The following MYLK variants were observed in gnomAD, a reference collection of about 807,000 sequenced individuals.
MYLK encodes myosin light chain kinase.
A neutral mutation model predicts 203.4 loss-of-function variants in MYLK; 106 were observed. That is an observed-to-expected ratio of 0.52 (90% CI 0.45 to 0.61). The LOEUF is 0.61. Among genes scored for constraint, MYLK ranks in the 20% least tolerant of loss-of-function variants. The pLI is 0.00. For synonymous variants in MYLK, 867 were observed against 959.5 expected (o/e 0.90, Z 1.78); for missense variants, 2,072 against 2,442.3 (o/e 0.85, Z 3.20).
At chr3:123,639,454 C>G (rs1177552968) in intron 28 of MYLK, among the ~76,000 whole-genome samples, 1 of 152,218 alleles carries the variant, frequency 6.6e-6, no homozygotes, top group African/African-American at 2.4e-5. Context: ...TGAAATAAAG[C>G]CAGCTCACCC....
At chr3:123,680,264 AT>A (rs1397943830) in intron 20 of MYLK, among the ~76,000 whole-genome samples, 2 of 152,010 alleles carry the variant, frequency 1.3e-5, no homozygotes, top group African/African-American at 4.8e-5. Flanking sequence ...CTCTGACCCC[AT>A]CTCACCTCCT....
chr3:123,700,180 T>C lies in MYLK; in HGVS notation c.3288A>G (p.Thr1096=). The C allele has an allele frequency of 1.9e-6, 3 of 1,614,018 alleles. No homozygotes were observed. Among genetic ancestry groups the C allele is most frequent in the Non-Finnish European group, 2.5e-6 (3 of 1,180,004 alleles). ...DNEKRSESQG[T]APAFKQKLQD... is the part of the protein sequence containing the mutation. ...GCAGCTTCTGCTTGAAGGCTGGGGC[T>C]GTCCCCTGGCTCTCTGATCTCTTTT... The change falls in exon 18 of 34, where the codon ACA becomes ACG. Residue 1096 remains threonine (T), a synonymous_variant. Transcript: ENST00000360304.
chr3:123,695,299 C>T (rs2060872247), intron 18 of MYLK, among the ~76,000 whole-genome samples: 2 of 152,256 alleles, frequency 1.3e-5, no homozygotes, highest in Admixed American at 1.3e-4. Flanking sequence ...ACTCTGAGCT[C>T]ACCCATGTCA....
chr3:123,876,294 C>T (rs1023137631), intron 2 of MYLK, among the ~76,000 whole-genome samples: 53 of 152,018 alleles, frequency 3.5e-4, no homozygotes, highest in African/African-American at 1.2e-3. Flanking sequence ...CAGCATTTCA[C>T]CTTGAAATCA....
chr3:123,647,850 C>A (rs768424992), intron 26 of MYLK, among the ~76,000 whole-genome samples: 2 of 152,122 alleles, frequency 1.3e-5, no homozygotes, highest in Non-Finnish European at 2.9e-5. Flanking sequence ...CCACACCTGG[C>A]CTTTGAAGCA....
intron 10 of MYLK, 58 bp downstream of exon 10, chr3:123,733,629 G>T: frequency 2.5e-6 from 4 of 1,597,526 alleles, no homozygotes; most frequent in Non-Finnish European, 3.4e-6. Flanking sequence ...TGAAGGAAGG[G>T]AGTGGCCACC....
At chr3:123,877,087 G>A (rs1283289463) in intron 1 of MYLK, among the ~76,000 whole-genome samples, 1 of 152,184 alleles carries the variant, frequency 6.6e-6, no homozygotes, top group African/African-American at 2.4e-5. Flanking sequence ...TTTAAGGATA[G>A]AAGAACCTGT....
intron 11 of MYLK, among the ~76,000 whole-genome samples, chr3:123,729,040 AG>A (rs1245987670): frequency 2.6e-5 from 4 of 152,180 alleles, no homozygotes; most frequent in Non-Finnish European, 5.9e-5. Flanking sequence ...GACTTTGAAA[AG>A]CTCTGACAGA....
chr3:123,836,354 C>T (rs1212740637), intron 2 of MYLK, among the ~76,000 whole-genome samples: 1 of 152,232 alleles, frequency 6.6e-6, no homozygotes, highest in Non-Finnish European at 1.5e-5. Flanking sequence ...CATGTAATCA[C>T]ATCTTCTAGA....
chr3:123,695,019 C>T (rs2060855181), intron 18 of MYLK, among the ~76,000 whole-genome samples: 1 of 152,352 alleles, frequency 6.6e-6, no homozygotes, highest in African/African-American at 2.4e-5. Flanking sequence ...TGGGAGAGCC[C>T]CTCAGGGCTG....
chr3:123,621,455 C>CGAG (rs1410752497), intron 31 of MYLK: 1 of 152,234 alleles, frequency 6.6e-6, no homozygotes, highest in East Asian at 1.9e-4. Flanking sequence ...ATCTCAAACT[C>CGAG]TGCCGGCAAA....
chr3:123,638,880 G>T (rs2058737070), intron 28 of MYLK: 2 of 985,330 alleles, frequency 2.0e-6, no homozygotes, highest in South Asian at 9.4e-5. Flanking sequence ...ATGTGCAAAA[G>T]GCAGGTACCT....
intron 23 of MYLK, among the ~76,000 whole-genome samples, chr3:123,659,432 C>A (rs780480532): frequency 6.6e-6 from 1 of 152,172 alleles, no homozygotes; most frequent in South Asian, 2.1e-4. Flanking sequence ...ATATGTGATA[C>A]GTAAGACTTG....
chr3:123,770,718 G>C (rs578053738), intron 4 of MYLK, among the ~76,000 whole-genome samples: 1 of 152,296 alleles, frequency 6.6e-6, no homozygotes, highest in African/African-American at 2.4e-5. Context: ...TTAGCCTGGA[G>C]TAAAACACAC....
rs1192992419 is a variant in MYLK at position 123,640,338 on chromosome 3, T to G, written c.4786A>C (p.Lys1596Gln). 3.1e-6 allele frequency: 5 copies of G among 1,613,980 alleles called. No individual in the cohort carries two copies. In the East Asian group the frequency reaches 1.1e-4, roughly 36 times the overall value. Reference protein sequence around the residue: ...LKPENIMCVNKTGTRIKLIDF... With the variant: ...LKPENIMCVNQTGTRIKLIDF... Reference sequence around the variant, plus strand: ...ATGAGCTTGATCCTGGTGCCCGTCTTGTTGACACACATGATGTTCTCCGGC... The same window carrying G: ...ATGAGCTTGATCCTGGTGCCCGTCTGGTTGACACACATGATGTTCTCCGGC... Residue 1596 changes from lysine (K) to glutamine (Q), a missense_variant, in exon 28 of 34, where the codon AAG becomes CAG. Transcript: ENST00000360304. This position sits in a 1 kb window ranked among gnomAD's most constrained non-coding sequence, Gnocchi z 4.3.
intron 4 of MYLK, among the ~76,000 whole-genome samples, chr3:123,791,167 G>A (rs565533579): frequency 2.0e-5 from 3 of 152,250 alleles, no homozygotes; most frequent in South Asian, 2.1e-4. Flanking sequence ...AGGTCAAGTG[G>A]CCCCAACAGT....
Position 123,737,401 on chromosome 3 carries a change from A to T in MYLK, c.731T>A (p.Met244Lys). The T allele has an allele frequency of 6.2e-7, 1 of 1,614,158 alleles. No individual in the cohort carries two copies. The highest frequency in any genetic ancestry group is 2.2e-5 in the East Asian group (1 of 44,884). ...LVVNGSGKAS[M>K]SAELSIQGLD... ...ACCTTGGATGGAAAGTTCAGCTGACATCGAGGCCTTCCCCGACCCGTTCAC... is the reference window on the plus strand; with the variant it reads ...ACCTTGGATGGAAAGTTCAGCTGACTTCGAGGCCTTCCCCGACCCGTTCAC... The change falls in exon 8 of 34, where the codon ATG becomes AAG. Residue 244 changes from methionine to lysine, a missense_variant. Met to Lys is a moderately conservative substitution (Grantham distance 95, BLOSUM62 -1). This residue lies in a region of MYLK where 683 missense variants were observed against 643.8 expected (regional missense o/e 1.06). Coordinates refer to ENST00000360304, the MANE Select transcript of MYLK (RefSeq NM_053025.4).
At chr3:123,820,217 A>G (rs2065877143) in intron 3 of MYLK, among the ~76,000 whole-genome samples, 1 of 152,196 alleles carries the variant, frequency 6.6e-6, no homozygotes, top group African/African-American at 2.4e-5. Flanking sequence ...GTAAGAACAG[A>G]AATCTGAGAA....
At position 123,831,683 on chromosome 3, in the gene MYLK, G is replaced by A. The variant is rs1039770525; in HGVS notation, c.-126-13C>T. The stretch of plus-strand genomic sequence containing the variant: ...AGCCGGGAGCCACCTGGGTGGGTGG[G>A]AAGGAGGAAAGGAAAGCCAAATCAG... On this transcript the variant is annotated splice_polypyrimidine_tract_variant and intron_variant, in intron 2 of 33. Coordinates refer to ENST00000360304, the MANE Select transcript of MYLK (RefSeq NM_053025.4). 8.1e-6 allele frequency: 2 copies of A among 246,592 alleles called. No homozygotes were observed. Among genetic ancestry groups the A allele is most frequent in the South Asian group, 4.6e-5 (1 of 21,560 alleles). 15.3% of individuals were successfully genotyped at this position (246,592 alleles called of 1,614,324 possible).
Sources: gnomAD v4.1 joint callset for allele counts (sites outside exome capture counted in the v4.1 genomes callset) on GRCh38, gnomAD v4.1.1 for gene constraint, gnomAD v4.1.1 regional missense constraint, Gnocchi (gnomAD v3.1) non-coding constraint, MANE v1.5 for transcripts, NCBI Gene and HGNC (gene_info 2026-07-23, HGNC 2026-07-21) for gene names.